Variants in TRIQK observed in about 807,000 individuals in gnomAD.
The protein encoded by TRIQK is triple QxxK/R motif containing, also known as triple QxxK/R motif-containing protein.
TRIQK carries 10 observed loss-of-function variants against 10.8 expected under a neutral mutation model. The observed-to-expected ratio is 0.92, with a 90% confidence interval of 0.57 to 1.57. The LOEUF (loss-of-function observed/expected upper bound fraction) is 1.57. TRIQK is among the 40% of genes most tolerant of loss of function. The pLI is 0.00. For synonymous variants in TRIQK, 33 were observed against 33.7 expected, an observed-to-expected ratio of 0.98 and a Z score of 0.07; for missense variants, 107 against 97.7, an observed-to-expected ratio of 1.09 and a Z score of -0.40.
chr8:92,897,320 G>A (rs1034293630), intron 3 of TRIQK, among the ~76,000 whole-genome samples: 4 of 152,304 alleles, frequency 2.6e-5, no homozygotes, highest in East Asian at 1.9e-4. Flanking sequence ...ATTTTGCATT[G>A]TAAGAAGGAC....
intron 2 of TRIQK, among the ~76,000 whole-genome samples, chr8:92,944,374 A>C (rs949866637): frequency 6.6e-6 from 1 of 152,114 alleles, no homozygotes; most frequent in Non-Finnish European, 1.5e-5. Flanking sequence ...TTCAAAAACA[A>C]ATAAAATCAG....
intron 1 of TRIQK, among the ~76,000 whole-genome samples, chr8:92,971,825 A>T (rs1448285591): frequency 6.6e-6 from 1 of 152,212 alleles, no homozygotes; most frequent in African/African-American, 2.4e-5. Context: ...ACCAAAAAAG[A>T]GCTCATATAG....
intron 3 of TRIQK, among the ~76,000 whole-genome samples, chr8:92,908,400 A>G (rs537205458): frequency 1.3e-5 from 2 of 152,272 alleles, no homozygotes; most frequent in Non-Finnish European, 2.9e-5. Flanking sequence ...ACATTATGCT[A>G]TCAAGCAAGC....
At chr8:92,891,180 G>C (rs1308317499) in intron 4 of TRIQK, among the ~76,000 whole-genome samples, 1 of 151,766 alleles carries the variant, frequency 6.6e-6, no homozygotes, top group African/African-American at 2.4e-5. Context: ...AGCTGTTACA[G>C]CTTGGTAGTA....
At chr8:92,965,831 G>C (rs1462470412) in intron 1 of TRIQK, 176 bp downstream of exon 1, 1 of 152,672 alleles carries the variant, frequency 6.5e-6, no homozygotes, top group Non-Finnish European at 1.5e-5. Context: ...CGGACTCCGG[G>C]TTTCTCTTGC....
At chr8:92,932,730 C>T (rs894691691) in intron 2 of TRIQK, among the ~76,000 whole-genome samples, 11 of 152,156 alleles carry the variant, frequency 7.2e-5, no homozygotes, top group African/African-American at 2.6e-4. Context: ...GCATTTCCTT[C>T]TCTCCATTTA....
At chr8:92,966,216 G>C (rs16915403), upstream of TRIQK, 40,269 of 152,264 alleles carry the variant, frequency 0.26, 6,323 homozygotes, top group African/African-American at 0.44. Context: ...TCTCCCGTCT[G>C]TACGCCGGTC....
At chr8:92,951,828 T>C (rs1811926733) in intron 2 of TRIQK, among the ~76,000 whole-genome samples, 1 of 152,098 alleles carries the variant, frequency 6.6e-6, no homozygotes, top group Non-Finnish European at 1.5e-5. Context: ...ACTCTAGCTT[T>C]CCATGTGGAG....
chr8:92,939,719 C>T (rs956686276), intron 2 of TRIQK, among the ~76,000 whole-genome samples: 1 of 152,160 alleles, frequency 6.6e-6, no homozygotes, highest in Non-Finnish European at 1.5e-5. Context: ...GAGATTCCCA[C>T]CTCTATGCAT....
intron 2 of TRIQK, chr8:92,922,594 A>T (rs1011285122): frequency 2.0e-5 from 3 of 151,938 alleles, no homozygotes; most frequent in Admixed American, 6.6e-5. Context: ...TACTTTATTC[A>T]TTCACTACCT....
intron 2 of TRIQK, among the ~76,000 whole-genome samples, chr8:92,919,285 T>C (rs558905193): frequency 3.3e-5 from 5 of 151,882 alleles, no homozygotes; most frequent in Non-Finnish European, 7.4e-5. Context: ...TGATAGAGAT[T>C]GCATTAAATC....
intron 1 of TRIQK, chr8:92,965,197 T>C (rs1386097199): frequency 6.6e-6 from 1 of 152,138 alleles, no homozygotes; most frequent in Non-Finnish European, 1.5e-5. Context: ...GATTATACAT[T>C]GGGGCTCCTC....
chr8:92,922,469 T>A (rs1380341718), intron 2 of TRIQK: 1 of 151,816 alleles, frequency 6.6e-6, no homozygotes, highest in African/African-American at 2.4e-5. Flanking sequence ...CTTAATTTTT[T>A]CTTAAAGCAA....
At chr8:92,907,871 G>A (rs1313829733) in intron 3 of TRIQK, among the ~76,000 whole-genome samples, 1 of 151,792 alleles carries the variant, frequency 6.6e-6, no homozygotes, top group African/African-American at 2.4e-5. Flanking sequence ...AATATTGAGA[G>A]ATATAAAAAC....
At chr8:92,949,836 AAG>A (rs1459632065) in intron 2 of TRIQK, among the ~76,000 whole-genome samples, 1 of 118,022 alleles carries the variant, frequency 8.5e-6, no homozygotes, top group Non-Finnish European at 1.9e-5. Flanking sequence ...GAAAGAAAGA[AAG>A]AAAGGGAGAG....
intron 2 of TRIQK, among the ~76,000 whole-genome samples, chr8:92,939,503 G>A (rs529771916): frequency 7.9e-5 from 12 of 152,176 alleles, no homozygotes; most frequent in Admixed American, 7.2e-4. Context: ...ATCAGAGAAG[G>A]AAAGAAGCCA....
At chr8:92,974,326 C>A (rs1812908199) in intron 1 of TRIQK, 1 of 152,216 alleles carries the variant, frequency 6.6e-6, no homozygotes, top group African/African-American at 2.4e-5. Context: ...AGCCTTGTAC[C>A]TTATCCAACA....
chr8:92,975,790 C>T (rs1812925971), intron 1 of TRIQK, among the ~76,000 whole-genome samples: 1 of 151,680 alleles, frequency 6.6e-6, no homozygotes, highest in Admixed American at 6.6e-5. Context: ...TCTGTCTTTT[C>T]TAATATAGGA....
chr8:92,947,041 AG>A (rs1434185015), intron 2 of TRIQK, among the ~76,000 whole-genome samples: 1 of 151,862 alleles, frequency 6.6e-6, no homozygotes, highest in African/African-American at 2.4e-5. Context: ...CTGGGATTAC[AG>A]GCGTGAGCCA....
Sources: allele counts gnomAD v4.1 joint callset (sites outside exome capture counted in the v4.1 genomes callset), GRCh38; gene constraint gnomAD v4.1.1; transcripts MANE v1.5; gene names NCBI Gene and HGNC (gene_info 2026-07-23, HGNC 2026-07-21).